The following CKB variants were observed in gnomAD, a reference collection of about 807,000 sequenced individuals.
CKB encodes the protein creatine kinase B-type.
A neutral mutation model predicts 36.9 loss-of-function variants in CKB; 15 were observed. The ratio of observed to expected loss-of-function variants is 0.41; its 90% CI spans 0.27 to 0.63. The LOEUF (loss-of-function observed/expected upper bound fraction) is 0.63. CKB is among the 20% of genes least tolerant of loss of function. CKB has a pLI of 0.34. For missense variants in CKB, 413 were observed against 534.9 expected, an observed-to-expected ratio of 0.77 and a Z score of 2.25; for synonymous variants, 250 against 228.2, an observed-to-expected ratio of 1.10 and a Z score of -0.86.
rs530669346 is a variant in CKB, at chr14:103,520,631, G to T, written c.654-39C>A. The T allele has an allele frequency of 2.2e-5, 35 of 1,580,978 alleles. No individual in the cohort carries two copies. The East Asian group carries it at 5.7e-4, about 26-fold the overall frequency. On this transcript the variant is annotated intron_variant, in intron 5 of 7. Coordinates refer to ENST00000348956, the MANE Select transcript of CKB (RefSeq NM_001823.5). Reference sequence around the variant, plus strand: ...GGTCTCAGGGCATACCCAGAAAAAAGCCCCAGGCCGCCCCCAGACCAAAGG... The same window carrying T: ...GGTCTCAGGGCATACCCAGAAAAAATCCCCAGGCCGCCCCCAGACCAAAGG...
Position 103,520,041 on chromosome 14 carries a change from G to T in CKB, c.969C>A (p.Gly323=). 1 of 1,609,702 alleles carries T rather than the reference G, an allele frequency of 6.2e-7. No individual in the cohort carries two copies. The highest frequency in any genetic ancestry group is 8.5e-7 in the Non-Finnish European group (1 of 1,179,628). The change falls in exon 8 of 8, where the codon GGC becomes GGA. Residue 323 remains glycine, a splice_region_variant and synonymous_variant. Transcript: ENST00000348956. ...KRLRLQKRGT[G]GVDTAAVGGV... ...CGCCCACCGCAGCCGTGTCCACACC[G>T]CCTGGGGAGACAGCAAGTCAGGGCG...
In CKB at chr14:103,520,240, G is replaced by A. The variant is rs1360343436; in HGVS notation, c.849C>T (p.Cys283=). 8 of 1,613,548 alleles carry A rather than the reference G, an allele frequency of 5.0e-6. No individual in the cohort carries two copies. Among genetic ancestry groups the A allele is most frequent in the African/African-American group, 2.7e-5 (2 of 74,924 alleles). Reference sequence around the variant, plus strand: ...GCAGCCCGGTGCCCAGGTTGGATGGGCAGGTGAGGATGTAGCCCAGGTGAG... The same window carrying A: ...GCAGCCCGGTGCCCAGGTTGGATGGACAGGTGAGGATGTAGCCCAGGTGAG... ...WNPHLGYILT[C]PSNLGTGLRA... The change falls in exon 7 of 8, where the codon TGC becomes TGT. Residue 283 remains cysteine (C), a synonymous_variant. Coordinates refer to ENST00000348956, the MANE Select transcript of CKB (RefSeq NM_001823.5).
chr14:103,522,533 A>C lies in CKB; in HGVS notation c.-12-28T>G. ...GCGGGGAGACGCGGGGTCAGAGGGG[A>C]CCGGCACGCCGGGGTTCCCGGGCTC... is the stretch of plus-strand genomic sequence containing the variant. On this transcript the variant is annotated intron_variant, in intron 1 of 7. Coordinates refer to ENST00000348956, the MANE Select transcript of CKB (RefSeq NM_001823.5). This position sits in a 1 kb window ranked among gnomAD's most constrained non-coding sequence, Gnocchi z 6.7. 6 of 1,181,054 alleles carry C rather than the reference A, an allele frequency of 5.1e-6. No individual in the cohort carries two copies. The highest frequency in any genetic ancestry group is 5.5e-6 in the Non-Finnish European group (5 of 904,864). 73.2% of individuals were successfully genotyped at this position (1,181,054 alleles called of 1,614,324 possible).
At chr14:103,520,336 G>T (rs1391446997) in intron 6 of CKB, 25 bp from the exon 7 acceptor site, 2 of 1,594,306 alleles carry the variant, frequency 1.3e-6, no homozygotes, top group African/African-American at 2.7e-5. Context: ...GAGGGTATGA[G>T]GGAGAAGGCC....
rs543521818 is a variant in CKB at position 103,522,263 on chromosome 14, AG to A, written c.193+37del. 131 of 1,136,386 alleles carry A rather than the reference AG, an allele frequency of 1.2e-4. No homozygotes were observed. In the East Asian group the frequency reaches 1.8e-3, roughly 16 times the overall value. The allele number at this position is 1,136,386 out of a possible 1,614,324, so 70.4% of individuals were successfully genotyped here. A position where few individuals can be genotyped will look rare whatever the true frequency, so the allele number is the denominator to read the frequency against. On this transcript the variant is annotated intron_variant, in intron 2 of 7. Transcript: ENST00000348956. This position sits in a 1 kb window ranked among gnomAD's most constrained non-coding sequence, Gnocchi z 6.7. Reference sequence around the variant, plus strand: ...GAGGACCCTGCGGCTGCGCGGGGGGAGGGGGGGCCGGGACCCCGGCCCCGAG... The same window carrying A: ...GAGGACCCTGCGGCTGCGCGGGGGGAGGGGGGCCGGGACCCCGGCCCCGAG...
At chr14:103,521,053 G>A in intron 5 of CKB, 1 of 712,718 alleles carries the variant, frequency 1.4e-6, no homozygotes. Flanking sequence ...CACGGGCCGG[G>A]GCCCAGTCCC....
At position 103,521,433 on chromosome 14, in the gene CKB, G is replaced by T; in HGVS notation, c.483C>A (p.Ala161=). 6.3e-7 allele frequency: 1 copy of T among 1,589,778 alleles called. No homozygotes were observed. Among genetic ancestry groups the T allele is most frequent in the Non-Finnish European group, 8.5e-7 (1 of 1,174,892 alleles). The change falls in exon 5 of 8, where the codon GCC becomes GCA. Residue 161 remains alanine (A), a splice_region_variant and synonymous_variant. Transcript: ENST00000348956. ...RRAIEKLAVE[A]LSSLDGDLAG... ...CCAGGTCGCCGTCCAGGCTGGACAG[G>T]GCTGCGAGGGGTGCGCTCAGGACGC...
Position 103,519,839 on chromosome 14 carries a change from G to C in CKB, c.*25C>G. ...AGGCAATAAGTTAGGAAGCAGCAGG[G>C]CTGGTGTCGGGTGTGGGCCGGGCTT... On this transcript the variant is annotated 3_prime_UTR_variant, in exon 8 of 8. Transcript: ENST00000348956. The C allele has an allele frequency of 6.3e-7, 1 of 1,577,660 alleles. No individual in the cohort carries two copies. Among genetic ancestry groups the C allele is most frequent in the Non-Finnish European group, 8.6e-7 (1 of 1,166,286 alleles).
In CKB at chr14:103,522,353, C is replaced by T. The variant is rs781697279; in HGVS notation, c.141G>A (p.Thr47=). ...ELYAELRAKS[T]PSGFTLDDVI... is the part of the protein sequence containing the mutation. ...CGTCGTCCAGCGTGAAGCCGCTCGG[C>T]GTGCTCTTGGCGCGCAGCTCCGCGT... Residue 47 remains threonine (T), a synonymous_variant, in exon 2 of 8, where the codon ACG becomes ACA. Coordinates refer to ENST00000348956, the MANE Select transcript of CKB (RefSeq NM_001823.5). The surrounding 1 kb of genome is among the most constrained non-coding windows in gnomAD (Gnocchi z 6.7). The T allele has an allele frequency of 1.2e-6, 2 of 1,611,092 alleles. No homozygotes were observed. Among genetic ancestry groups the T allele is most frequent in the African/African-American group, 1.3e-5 (1 of 74,800 alleles).
chr14:103,520,418 C>T lies in CKB; in HGVS notation c.777+51G>A, dbSNP rs375018448. 66 of 1,590,852 alleles carry T rather than the reference C, an allele frequency of 4.1e-5. No individual in the cohort carries two copies. In the African/African-American group the frequency reaches 8.2e-4, roughly 20 times the overall value. On this transcript the variant is annotated intron_variant, in intron 6 of 7. Coordinates refer to ENST00000348956, the MANE Select transcript of CKB (RefSeq NM_001823.5). ...CCCCGGGGGGACTGATGCTGGGGCACCCACATCCCTGCTGGGGCCCTGGGG... is the reference window on the plus strand; with the variant it reads ...CCCCGGGGGGACTGATGCTGGGGCATCCACATCCCTGCTGGGGCCCTGGGG...
Position 103,522,032 on chromosome 14 carries a change from G to C in CKB, c.339C>G (p.Asp113Glu). The C allele has an allele frequency of 6.5e-7, 1 of 1,528,116 alleles. No individual in the cohort carries two copies. Among genetic ancestry groups the C allele is most frequent in the Non-Finnish European group, 8.8e-7 (1 of 1,133,118 alleles). The allele number at this position is 1,528,116 out of a possible 1,614,324, so 94.7% of individuals were successfully genotyped here. The change falls in exon 3 of 8, where the codon GAC becomes GAG. Residue 113 changes from aspartate to glutamate, a missense_variant. Around this residue, in one of 3 missense-constraint regions of CKB, gnomAD observed 314 missense variants for 409.4 expected, o/e 0.77. Transcript: ENST00000348956. The surrounding 1 kb of genome is among the most constrained non-coding windows in gnomAD (Gnocchi z 6.7). ...SDEHKTDLNP[D>E]NLQGGDDLDP... is the part of the protein sequence containing the mutation. The stretch of plus-strand genomic sequence containing the variant: ...GCCCGCAGCCCCGCACCTGCAGGTT[G>C]TCGGGGTTGAGGTCGGTCTTGTGCT...
chr14:103,520,926 G>A (rs2075895590), intron 5 of CKB: 4 of 519,544 alleles, frequency 7.7e-6, no homozygotes, highest in Non-Finnish European at 1.4e-5. Flanking sequence ...AGCGGCGGAG[G>A]AGTGAGAAAA....
At position 103,519,914 on chromosome 14, in the gene CKB, G is replaced by A. The variant is rs1428642510; in HGVS notation, c.1096C>T (p.Arg366Trp). ...GVKLLIEMEQ[R>W]LEQGQAIDDL... ...TCGATGGCCTGGCCCTGCTCCAGCCGCTGCTCCATCTCGATGAGCAGCTTC... is the reference window on the plus strand; with the variant it reads ...TCGATGGCCTGGCCCTGCTCCAGCCACTGCTCCATCTCGATGAGCAGCTTC... Residue 366 changes from arginine to tryptophan, a missense_variant, in exon 8 of 8, where the codon CGG (arginine) becomes TGG (tryptophan). Arg to Trp is a moderately radical substitution (Grantham distance 101). This residue lies in a region of CKB where 314 missense variants were observed against 409.4 expected (regional missense o/e 0.77). Coordinates refer to ENST00000348956, the MANE Select transcript of CKB (RefSeq NM_001823.5). 6.2e-7 allele frequency: 1 copy of A among 1,608,934 alleles called. No homozygotes were observed. Among genetic ancestry groups the A allele is most frequent in the Non-Finnish European group, 8.5e-7 (1 of 1,179,956 alleles).
intron 4 of CKB, 180 bp from the exon 5 acceptor site, chr14:103,521,614 A>T (rs2075901665): frequency 1.1e-6 from 1 of 900,080 alleles, no homozygotes; most frequent in Non-Finnish European, 1.5e-6. Context: ...CCGCGCCAGG[A>T]CCCGCCCTCC....
intron 5 of CKB, 68 bp from the exon 6 acceptor site, chr14:103,520,660 T>C (rs1211708826): frequency 4.6e-6 from 7 of 1,530,136 alleles, no homozygotes; most frequent in Non-Finnish European, 5.3e-6. Context: ...CCAAAGGAAC[T>C]TCCCAAGTCC....
intron 4 of CKB, 52 bp from the exon 5 acceptor site, chr14:103,521,486 C>G (rs749139920): frequency 7.0e-7 from 1 of 1,432,466 alleles, no homozygotes; most frequent in South Asian, 1.5e-5. Flanking sequence ...CCCTCCAGCC[C>G]GCAGCGCGGA....
In CKB at chr14:103,522,211, G is replaced by A. The variant is rs371834880; in HGVS notation, c.194-34C>T. On this transcript the variant is annotated intron_variant, in intron 2 of 7. Transcript: ENST00000348956. The surrounding 1 kb of genome is among the most constrained non-coding windows in gnomAD (Gnocchi z 6.7). ...GGGGGCGCGGGACGGGGACAGTGAC[G>A]TCACTGCCGGGCCCGAGCGCGCTGC... 5.0e-6 allele frequency: 8 copies of A among 1,588,366 alleles called. No individual in the cohort carries two copies. In the African/African-American group the frequency reaches 8.1e-5, roughly 16 times the overall value.
chr14:103,519,933 C>G lies in CKB; in HGVS notation c.1077G>C (p.Leu359=). Reference sequence around the variant, plus strand: ...CCAGCCGCTGCTCCATCTCGATGAGCAGCTTCACTCCGTCCACCACCATCT... The same window carrying G: ...CCAGCCGCTGCTCCATCTCGATGAGGAGCTTCACTCCGTCCACCACCATCT... The part of the protein sequence containing the change: ...LVQMVVDGVK[L]LIEMEQRLEQ... Residue 359 remains leucine, a synonymous_variant, in exon 8 of 8, where the codon CTG becomes CTC. Transcript: ENST00000348956. The G allele has an allele frequency of 6.2e-7, 1 of 1,610,026 alleles. No homozygotes were observed. The highest frequency in any genetic ancestry group is 8.5e-7 in the Non-Finnish European group (1 of 1,179,968).
At chr14:103,520,840 G>A (rs866832923) in intron 5 of CKB, 6 of 531,360 alleles carry the variant, frequency 1.1e-5, no homozygotes, top group Middle Eastern at 4.7e-4. Context: ...AGGACAGCCC[G>A]ACCCGCCCCC....
Sources: gnomAD v4.1 joint callset for allele counts on GRCh38, gnomAD v4.1.1 for gene constraint, gnomAD v4.1.1 regional missense constraint, Gnocchi (gnomAD v3.1) non-coding constraint, MANE v1.5 for transcripts, NCBI Gene and HGNC (gene_info 2026-07-23, HGNC 2026-07-21) for gene names.